KCNK2: variants seen among roughly 807,000 people sequenced by gnomAD.
KCNK2 encodes potassium two pore domain channel subfamily K member 2.
KCNK2 carries 21 observed loss-of-function variants against 40.5 expected under a neutral mutation model. That is an observed-to-expected ratio of 0.52 (90% CI 0.37 to 0.75). KCNK2 has a LOEUF of 0.75. Ranked by LOEUF, KCNK2 falls within the 30% of genes least tolerant of loss-of-function variation. The probability of loss-of-function intolerance (pLI) is 0.00; values close to 1 mark genes in which losing one functional copy is unlikely to be tolerated. For synonymous variants in KCNK2, 191 were observed against 202.2 expected, an observed-to-expected ratio of 0.94 and a Z score of 0.47; for missense variants, 399 against 531.6, an observed-to-expected ratio of 0.75 and a Z score of 2.45.
chr1:215,115,955 GTTTT>G (rs35626781), intron 2 of KCNK2, among the ~76,000 whole-genome samples: 1 of 134,062 alleles, frequency 7.5e-6, no homozygotes. Context: ...TCTTCATCAT[GTTTT>G]TTTTTTTTTT....
chr1:215,031,197 ATAT>A (rs1424840708), intron 1 of KCNK2, among the ~76,000 whole-genome samples: 1 of 152,110 alleles, frequency 6.6e-6, no homozygotes, highest in Non-Finnish European at 1.5e-5. Context: ...TTTACCTGCA[ATAT>A]TATGTTGGCT....
At chr1:215,111,968 A>G (rs1391645120) in intron 2 of KCNK2, among the ~76,000 whole-genome samples, 12 of 123,464 alleles carry the variant, frequency 9.7e-5, no homozygotes, top group Admixed American at 9.0e-4. Context: ...CGTTCTCTGG[A>G]CTTGTGCCTG....
intron 2 of KCNK2, among the ~76,000 whole-genome samples, chr1:215,118,831 T>C (rs1364918129): frequency 1.3e-5 from 2 of 152,152 alleles, no homozygotes; most frequent in African/African-American, 2.4e-5. Flanking sequence ...GTACCTGCAG[T>C]TCAGAATTTT....
chr1:215,053,985 C>A (rs79099899), intron 1 of KCNK2, among the ~76,000 whole-genome samples: 2,677 of 152,228 alleles, frequency 0.018, 73 homozygotes, highest in African/African-American at 0.061. Flanking sequence ...AAAGTACAAC[C>A]CCTGACTGTT....
At chr1:215,223,775 A>G (rs761109177) in intron 6 of KCNK2, among the ~76,000 whole-genome samples, 3 of 152,202 alleles carry the variant, frequency 2.0e-5, no homozygotes, top group African/African-American at 4.8e-5. Context: ...TTAGAAAACT[A>G]GAAAATTTTA....
intron 1 of KCNK2, among the ~76,000 whole-genome samples, chr1:215,042,201 A>G (rs1657593420): frequency 6.6e-6 from 1 of 152,216 alleles, no homozygotes; most frequent in Non-Finnish European, 1.5e-5. Context: ...AAGCAAATGC[A>G]GAAAGACACA....
intron 1 of KCNK2, among the ~76,000 whole-genome samples, chr1:215,044,820 TGTGTGTGCGC>T (rs1334298730): frequency 1.9e-4 from 12 of 64,172 alleles, no homozygotes; most frequent in East Asian, 5.4e-4. Flanking sequence ...TGTGTGTGTG[TGTGTGTGCGC>T]GCGCACACGT....
intron 5 of KCNK2, among the ~76,000 whole-genome samples, chr1:215,189,899 A>G (rs1404088784): frequency 1.3e-5 from 2 of 152,152 alleles, no homozygotes; most frequent in Non-Finnish European, 2.9e-5. Context: ...AAACCCCCCA[A>G]AATTAAAATC....
intron 1 of KCNK2, among the ~76,000 whole-genome samples, chr1:215,063,484 T>G (rs1336195814): frequency 6.6e-6 from 1 of 152,174 alleles, no homozygotes; most frequent in Non-Finnish European, 1.5e-5. Flanking sequence ...TGCTTGCATT[T>G]TGGACTTTCT....
chr1:215,166,308 C>T (rs1663445227), intron 3 of KCNK2, among the ~76,000 whole-genome samples: 1 of 151,898 alleles, frequency 6.6e-6, no homozygotes, highest in African/African-American at 2.4e-5. Flanking sequence ...GTTGAGGAGC[C>T]CACATCCCCC....
chr1:215,179,452 T>G (rs1664134996), intron 5 of KCNK2, among the ~76,000 whole-genome samples: 1 of 152,094 alleles, frequency 6.6e-6, no homozygotes, highest in African/African-American at 2.4e-5. Context: ...TTCCTTTAGG[T>G]GTGATGTTAG....
At chr1:215,058,916 G>A (rs953966463) in intron 1 of KCNK2, among the ~76,000 whole-genome samples, 4 of 152,048 alleles carry the variant, frequency 2.6e-5, no homozygotes. Flanking sequence ...AGGGGCTTTA[G>A]ATGACCTCTC....
chr1:215,119,538 A>G (rs1443585029), intron 2 of KCNK2, among the ~76,000 whole-genome samples: 1 of 152,178 alleles, frequency 6.6e-6, no homozygotes, highest in Non-Finnish European at 1.5e-5. Flanking sequence ...CCTAGTGTCC[A>G]TCCTATACTT....
At chr1:215,126,092 T>C (rs973698349) in intron 3 of KCNK2, among the ~76,000 whole-genome samples, 9 of 152,114 alleles carry the variant, frequency 5.9e-5, no homozygotes, top group Admixed American at 5.2e-4. Flanking sequence ...AATTATGACA[T>C]GTATAACATT....
chr1:215,159,448 TAA>T (rs1161140099), intron 3 of KCNK2, among the ~76,000 whole-genome samples: 1 of 152,212 alleles, frequency 6.6e-6, no homozygotes, highest in Non-Finnish European at 1.5e-5. Flanking sequence ...GCGTCTTCTC[TAA>T]TTCCTTCTTT....
At chr1:215,102,833 A>G (rs1660279792) in intron 2 of KCNK2, among the ~76,000 whole-genome samples, 1 of 151,998 alleles carries the variant, frequency 6.6e-6, no homozygotes, top group African/African-American at 2.4e-5. Context: ...GCTCTACCAT[A>G]TAGTCTGGGC....
chr1:215,213,597 G>A (rs539037393), intron 6 of KCNK2, among the ~76,000 whole-genome samples: 4 of 152,198 alleles, frequency 2.6e-5, no homozygotes, highest in South Asian at 2.1e-4. Context: ...GGTGACAAGA[G>A]CAAAACTCTG....
rs1032154520 is a variant in KCNK2, at chr1:215,173,709, T to C, written c.823+1526T>C. ...TCATTGTGGTTTTGATTTGCATTTCTCTGATGGCCAGTGATGATGAGCATT... is the reference window on the plus strand; with the variant it reads ...TCATTGTGGTTTTGATTTGCATTTCCCTGATGGCCAGTGATGATGAGCATT... On this transcript the variant is annotated intron_variant, in intron 5 of 6. Coordinates refer to ENST00000444842, the MANE Select transcript of KCNK2 (RefSeq NM_001017425.3). 2.5e-3 allele frequency among the ~76,000 whole-genome samples: 374 copies of C among 152,376 alleles called. 2 individuals are homozygous for C. Among genetic ancestry groups the C allele is most frequent in the African/African-American group, 8.0e-3 (332 of 41,592 alleles).
At chr1:215,221,681 T>C (rs528236556) in intron 6 of KCNK2, among the ~76,000 whole-genome samples, 2 of 152,148 alleles carry the variant, frequency 1.3e-5, no homozygotes, top group African/African-American at 2.4e-5. Context: ...GTCTCAGCGA[T>C]TGCAGAGGCA....
Sources: gnomAD v4.1 joint callset for allele counts (sites outside exome capture counted in the v4.1 genomes callset) on GRCh38, gnomAD v4.1.1 for gene constraint, MANE v1.5 for transcripts, NCBI Gene and HGNC (gene_info 2026-07-23, HGNC 2026-07-21) for gene names.